The following GHR variants were observed in gnomAD, a reference collection of about 807,000 sequenced individuals.
The protein encoded by GHR is growth hormone receptor, also known as GH receptor.
In GHR, 35 loss-of-function variants were observed where a neutral mutation model predicts 67.1. The observed-to-expected ratio is 0.52, with a 90% confidence interval of 0.40 to 0.69. The LOEUF (loss-of-function observed/expected upper bound fraction) is 0.69. Ranked by LOEUF, GHR falls within the 30% of genes least tolerant of loss-of-function variation. GHR has a pLI of 0.00. For missense variants in GHR, 792 were observed against 764.6 expected, an observed-to-expected ratio of 1.04 and a Z score of -0.42; for synonymous variants, 272 against 269.1, an observed-to-expected ratio of 1.01 and a Z score of -0.10.
At chr5:42,701,593 T>G (rs1462165586) in intron 6 of GHR, among the ~76,000 whole-genome samples, 1 of 152,168 alleles carries the variant, frequency 6.6e-6, no homozygotes, top group Non-Finnish European at 1.5e-5. Flanking sequence ...CAAAAAAGAA[T>G]GAGGCAAGCT....
intron 1 of GHR, among the ~76,000 whole-genome samples, chr5:42,488,551 AT>A (rs1194785377): frequency 6.6e-6 from 1 of 151,840 alleles, no homozygotes. Flanking sequence ...TGACATCTCA[AT>A]TTTTTTTGTA....
chr5:42,621,729 G>A (rs1753456714), intron 2 of GHR, among the ~76,000 whole-genome samples: 1 of 152,134 alleles, frequency 6.6e-6, no homozygotes, highest in Non-Finnish European at 1.5e-5. Context: ...TTACTGTAAA[G>A]CATTAAAAAG....
chr5:42,627,494 A>G (rs1753761421), intron 2 of GHR, among the ~76,000 whole-genome samples: 1 of 152,246 alleles, frequency 6.6e-6, no homozygotes, highest in African/African-American at 2.4e-5. Flanking sequence ...AGGTGTTAGC[A>G]GAAAAATCAA....
intron 1 of GHR, among the ~76,000 whole-genome samples, chr5:42,518,971 G>A (rs752395572): frequency 2.6e-5 from 4 of 152,210 alleles, no homozygotes; most frequent in Non-Finnish European, 4.4e-5. Flanking sequence ...TCTGGAAAGA[G>A]TCGCTAATCG....
chr5:42,565,831 C>T (rs771574196), intron 1 of GHR, 33 bp from the exon 2 acceptor site: 9 of 1,613,740 alleles, frequency 5.6e-6, no homozygotes, highest in African/African-American at 1.3e-5. Flanking sequence ...CTTTTAATTG[C>T]TGGGCTTTAC....
intron 1 of GHR, among the ~76,000 whole-genome samples, chr5:42,522,917 G>C (rs1045289469): frequency 2.0e-5 from 3 of 152,180 alleles, no homozygotes; most frequent in African/African-American, 7.2e-5. Flanking sequence ...CATTATGCAA[G>C]ATAATAGAGG....
chr5:42,704,577 T>C (rs1297632702), intron 6 of GHR, among the ~76,000 whole-genome samples: 1 of 152,052 alleles, frequency 6.6e-6, no homozygotes, highest in African/African-American at 2.4e-5. Flanking sequence ...AGAAATAGTT[T>C]GGTAGTATCC....
intron 1 of GHR, among the ~76,000 whole-genome samples, chr5:42,533,279 T>C (rs1369724221): frequency 6.6e-6 from 1 of 152,110 alleles, no homozygotes; most frequent in African/African-American, 2.4e-5. Flanking sequence ...TTTTCTTCTC[T>C]TTATTAATTT....
At chr5:42,600,915 A>ATTTTTTTTTTTT (rs1580026633) in intron 2 of GHR, among the ~76,000 whole-genome samples, 1 of 86,144 alleles carries the variant, frequency 1.2e-5, no homozygotes, top group East Asian at 3.3e-4. Context: ...TATTCTTTCT[A>ATTTTTTTTTTTT]TTCTTTTTTT....
At chr5:42,575,265 G>A (rs1045911259) in intron 2 of GHR, among the ~76,000 whole-genome samples, 23 of 152,150 alleles carry the variant, frequency 1.5e-4, no homozygotes, top group Non-Finnish European at 2.6e-4. Flanking sequence ...AGGAGAAACA[G>A]TTTAGATTAG....
intron 3 of GHR, among the ~76,000 whole-genome samples, chr5:42,673,828 T>C (rs1341848498): frequency 6.6e-6 from 1 of 152,146 alleles, no homozygotes; most frequent in East Asian, 1.9e-4. Context: ...CTATGCTCAT[T>C]CCCTGGGTGA....
At chr5:42,471,090 A>G (rs2112100294) in intron 1 of GHR, among the ~76,000 whole-genome samples, 1 of 152,330 alleles carries the variant, frequency 6.6e-6, no homozygotes, top group East Asian at 1.9e-4. Context: ...TCCTGTCTTC[A>G]GCTGGGCCAG....
chr5:42,534,567 G>A (rs1027751924), intron 1 of GHR, among the ~76,000 whole-genome samples: 3 of 151,694 alleles, frequency 2.0e-5, no homozygotes, highest in African/African-American at 7.3e-5. Flanking sequence ...CTCGTTGATT[G>A]ATGAGCATTT....
intron 1 of GHR, among the ~76,000 whole-genome samples, chr5:42,455,987 T>C (rs1326917840): frequency 6.6e-6 from 1 of 152,214 alleles, no homozygotes; most frequent in African/African-American, 2.4e-5. Flanking sequence ...TTTGGCTGTA[T>C]ATTAGAATTA....
intron 2 of GHR, among the ~76,000 whole-genome samples, chr5:42,609,886 G>T (rs1378828370): frequency 6.6e-6 from 1 of 152,112 alleles, no homozygotes; most frequent in East Asian, 1.9e-4. Context: ...GTGAAATAAT[G>T]GTCCAGTGAC....
At chr5:42,684,306 A>G (rs1323726427) in intron 3 of GHR, among the ~76,000 whole-genome samples, 1 of 152,260 alleles carries the variant, frequency 6.6e-6, no homozygotes, top group Non-Finnish European at 1.5e-5. Flanking sequence ...TGTCAGAGCC[A>G]GAACTAGAGT....
At chr5:42,548,071 A>G (rs1748819203) in intron 1 of GHR, 4 of 985,262 alleles carry the variant, frequency 4.1e-6, no homozygotes, top group African/African-American at 3.5e-5. Flanking sequence ...GGCTGCCTCC[A>G]TTGTAATAGG....
intron 2 of GHR, among the ~76,000 whole-genome samples, chr5:42,567,965 A>G (rs981040944): frequency 6.6e-6 from 1 of 152,096 alleles, no homozygotes; most frequent in South Asian, 2.1e-4. Flanking sequence ...TTTTATTTTT[A>G]TTGTGTCTCC....
intron 2 of GHR, among the ~76,000 whole-genome samples, chr5:42,579,681 G>C (rs1156760790): frequency 6.6e-6 from 1 of 152,188 alleles, no homozygotes; most frequent in Non-Finnish European, 1.5e-5. Context: ...AAGGCTGGTA[G>C]AGCAAACTGG....
Sources: gnomAD v4.1 joint callset for allele counts (sites outside exome capture counted in the v4.1 genomes callset) on GRCh38, gnomAD v4.1.1 for gene constraint, MANE v1.5 for transcripts, NCBI Gene and HGNC (gene_info 2026-07-23, HGNC 2026-07-21) for gene names.